Variants in CREB5 observed in about 807,000 individuals in gnomAD.
CREB5 encodes cyclic AMP-responsive element-binding protein 5.
A neutral mutation model predicts 57.1 loss-of-function variants in CREB5; 19 were observed. That is an observed-to-expected ratio of 0.33 (90% CI 0.23 to 0.49). The LOEUF is 0.49. Ranked by LOEUF, CREB5 falls within the 20% of genes least tolerant of loss-of-function variation. The pLI is 0.99. For missense variants in CREB5, 579 were observed against 671.6 expected, an observed-to-expected ratio of 0.86 and a Z score of 1.52; for synonymous variants, 238 against 238.3, an observed-to-expected ratio of 1.00 and a Z score of 0.01.
At chr7:28,527,137 T>C (rs1465036670) in intron 4 of CREB5, among the ~76,000 whole-genome samples, 1 of 152,208 alleles carries the variant, frequency 6.6e-6, no homozygotes, top group Non-Finnish European at 1.5e-5. Flanking sequence ...GAGCCATGCC[T>C]TAGCAGGCTT....
chr7:28,426,081 C>T (rs567620851), intron 1 of CREB5, among the ~76,000 whole-genome samples: 62 of 152,298 alleles, frequency 4.1e-4, no homozygotes, highest in African/African-American at 1.4e-3. Flanking sequence ...GTGTCCTTGT[C>T]CTGTCTCCTT....
intron 1 of CREB5, among the ~76,000 whole-genome samples, chr7:28,401,424 T>C (rs1787460650): frequency 6.6e-6 from 1 of 152,020 alleles, no homozygotes; most frequent in African/African-American, 2.4e-5. Flanking sequence ...AATTTTTTAT[T>C]TTTTTATAAT....
chr7:28,381,225 G>A (rs1786960152), intron 1 of CREB5, among the ~76,000 whole-genome samples: 1 of 152,204 alleles, frequency 6.6e-6, no homozygotes. Context: ...GTGTTTCAGA[G>A]TGAGATGCAA....
At chr7:28,790,461 AT>A (rs1807620241) in intron 7 of CREB5, among the ~76,000 whole-genome samples, 10 of 32,896 alleles carry the variant, frequency 3.0e-4, no homozygotes, top group South Asian at 1.5e-3. Context: ...AGAGAGAGAG[AT>A]AGAGAGAGAG....
At chr7:28,801,275 T>C (rs1326575796) in intron 7 of CREB5, among the ~76,000 whole-genome samples, 1 of 152,214 alleles carries the variant, frequency 6.6e-6, no homozygotes, top group African/African-American at 2.4e-5. Context: ...TTATCTAATA[T>C]TTTTGTAGTA....
chr7:28,522,313 TGCAGAACATCAAGCC>T (rs1401765705), intron 4 of CREB5, among the ~76,000 whole-genome samples: 2 of 152,112 alleles, frequency 1.3e-5, no homozygotes, highest in Admixed American at 1.3e-4. Flanking sequence ...TGGAAGCTTT[TGCAGAACATCAAGCC>T]ATGCTTGACC....
chr7:28,495,716 A>G (rs992047686), intron 3 of CREB5, among the ~76,000 whole-genome samples: 1 of 152,182 alleles, frequency 6.6e-6, no homozygotes, highest in Admixed American at 6.5e-5. Flanking sequence ...ATAAAGGATC[A>G]TCTATGACAT....
chr7:28,583,358 A>G (rs142877474), intron 5 of CREB5, among the ~76,000 whole-genome samples: 14 of 152,360 alleles, frequency 9.2e-5, no homozygotes, highest in African/African-American at 3.4e-4. Flanking sequence ...GAGATTGGAC[A>G]GGCAAGCTGT....
chr7:28,560,947 T>C (rs201908213), intron 4 of CREB5, among the ~76,000 whole-genome samples: 3,501 of 20,726 alleles, frequency 0.17, 498 homozygotes, highest in East Asian at 0.6. Flanking sequence ...CGTGCGTGTG[T>C]GTGCGTGTGT....
At chr7:28,666,675 G>A (rs966332130) in intron 5 of CREB5, among the ~76,000 whole-genome samples, 1 of 152,046 alleles carries the variant, frequency 6.6e-6, no homozygotes, top group African/African-American at 2.4e-5. Flanking sequence ...AACAAACTTT[G>A]TCAAACTTGG....
intron 3 of CREB5, 130 bp from the exon 4 acceptor site, chr7:28,507,486 G>A (rs1792526176): frequency 2.8e-6 from 3 of 1,087,064 alleles, no homozygotes; most frequent in Non-Finnish European, 2.6e-6. Flanking sequence ...TATTTAAAGG[G>A]CCAAGAGACT....
At chr7:28,441,849 A>G (rs1366126250) in intron 1 of CREB5, among the ~76,000 whole-genome samples, 4 of 152,222 alleles carry the variant, frequency 2.6e-5, no homozygotes, top group African/African-American at 9.6e-5. Context: ...AATTATACAT[A>G]CAGGATACAG....
intron 1 of CREB5, among the ~76,000 whole-genome samples, chr7:28,385,694 T>C (rs1787076846): frequency 6.6e-6 from 1 of 151,702 alleles, no homozygotes; most frequent in African/African-American, 2.4e-5. Flanking sequence ...AAAAAGTATG[T>C]ATATGAGAAT....
intron 4 of CREB5, among the ~76,000 whole-genome samples, chr7:28,539,387 A>G (rs1453540828): frequency 2.0e-5 from 3 of 152,334 alleles, no homozygotes; most frequent in African/African-American, 4.8e-5. Context: ...TATGTCTTAA[A>G]TATCACTTAA....
intron 5 of CREB5, among the ~76,000 whole-genome samples, chr7:28,660,449 C>T (rs535687341): frequency 6.5e-4 from 87 of 134,422 alleles, no homozygotes; most frequent in African/African-American, 1.9e-3. Context: ...AGAGATACAA[C>T]GGTAAGCAAA....
intron 5 of CREB5, among the ~76,000 whole-genome samples, chr7:28,686,493 A>C (rs1413398160): frequency 6.6e-6 from 1 of 152,010 alleles, no homozygotes; most frequent in Non-Finnish European, 1.5e-5. Flanking sequence ...AAAAAAAAAA[A>C]AGCAGAGCAA....
chr7:28,803,210 T>A (rs1269971698), intron 7 of CREB5, among the ~76,000 whole-genome samples: 1 of 152,186 alleles, frequency 6.6e-6, no homozygotes, highest in Admixed American at 6.5e-5. Flanking sequence ...ATTCTTCTAT[T>A]TTCCTCACTC....
intron 2 of CREB5, among the ~76,000 whole-genome samples, chr7:28,489,448 C>T (rs1336318188): frequency 6.6e-6 from 1 of 151,864 alleles, no homozygotes; most frequent in African/African-American, 2.4e-5. Context: ...TAGAGGTGCC[C>T]GCCACCACGC....
chr7:28,587,914 T>G (rs2128661679), intron 5 of CREB5, among the ~76,000 whole-genome samples: 1 of 152,332 alleles, frequency 6.6e-6, no homozygotes, highest in East Asian at 1.9e-4. Context: ...ATTTCCTGAC[T>G]GCTTTTCTAC....
Sources: allele counts gnomAD v4.1 joint callset (sites outside exome capture counted in the v4.1 genomes callset), GRCh38; gene constraint gnomAD v4.1.1; transcripts MANE v1.5; gene names NCBI Gene and HGNC (gene_info 2026-07-23, HGNC 2026-07-21).